Variants in PC observed in about 807,000 individuals in gnomAD.
The protein encoded by PC is pyruvate carboxylase.
PC carries 46 observed loss-of-function variants against 107.8 expected under a neutral mutation model. The observed-to-expected ratio is 0.43, with a 90% CI of 0.34 to 0.55. The LOEUF is 0.55. Among genes scored for constraint, PC ranks in the 20% least tolerant of loss-of-function variants. The pLI, the probability that PC is intolerant of heterozygous loss-of-function variation, is 0.04. For synonymous variants in PC, 662 were observed against 684.7 expected (o/e 0.97, Z 0.52); for missense variants, 1,241 against 1,643.1 (o/e 0.76, Z 4.23).
intron 3 of PC, among the ~76,000 whole-genome samples, chr11:66,942,802 CG>C (rs1949176124): frequency 6.6e-6 from 1 of 151,822 alleles, no homozygotes; most frequent in African/African-American, 2.4e-5. Context: ...CACCTGAAGT[CG>C]GGAGTTTGAG....
intron 12 of PC, 32 bp from the exon 13 acceptor site, chr11:66,853,415 C>G (rs1465303442): frequency 6.2e-7 from 1 of 1,612,698 alleles, no homozygotes; most frequent in Admixed American, 1.7e-5. Context: ...GAGGGGGTCA[C>G]CATGCAGCAC....
chr11:66,879,699 C>T (rs1204904981), intron 3 of PC, among the ~76,000 whole-genome samples: 1 of 152,166 alleles, frequency 6.6e-6, no homozygotes, highest in Non-Finnish European at 1.5e-5. Flanking sequence ...GGTTGGGTCA[C>T]GCAGAGAGTA....
At chr11:66,849,201 C>A (rs45441301) in intron 22 of PC, 29 bp downstream of exon 22, 7 of 1,613,730 alleles carry the variant, frequency 4.3e-6, no homozygotes, top group Non-Finnish European at 5.9e-6. Flanking sequence ...CAAGCCCCAC[C>A]GCCTGGCTGG....
At chr11:66,906,054 G>A (rs1948153401) in intron 3 of PC, among the ~76,000 whole-genome samples, 1 of 152,138 alleles carries the variant, frequency 6.6e-6, no homozygotes, top group South Asian at 2.1e-4. Context: ...GCAGAGGTGG[G>A]CGGGCGGGGA....
chr11:66,882,044 A>T (rs1947205455), intron 3 of PC, among the ~76,000 whole-genome samples: 1 of 152,124 alleles, frequency 6.6e-6, no homozygotes, highest in African/African-American at 2.4e-5. Context: ...GAGCTTCCCA[A>T]CGAGAGCTGA....
At chr11:66,929,675 A>AT (rs913973723) in intron 3 of PC, among the ~76,000 whole-genome samples, 1 of 151,462 alleles carries the variant, frequency 6.6e-6, no homozygotes, top group Non-Finnish European at 1.5e-5. Flanking sequence ...CCTTCTTTTT[A>AT]TTTTTTACAT....
chr11:66,863,019 G>C (rs570359130), intron 12 of PC, among the ~76,000 whole-genome samples: 2 of 152,300 alleles, frequency 1.3e-5, no homozygotes, highest in South Asian at 2.1e-4. Flanking sequence ...TGCCTGGTGG[G>C]GGGGGATCCA....
Position 66,874,036 on chromosome 11 carries a change from T to G in PC, c.1-1877A>C, listed in dbSNP as rs977265804. Among the ~76,000 whole-genome samples the G allele has an allele frequency of 2.0e-5, 3 of 152,056 alleles. No homozygotes were observed. The East Asian group carries it at 5.8e-4, about 29-fold the overall frequency. On this transcript the variant is annotated intron_variant, in intron 3 of 22. Transcript: ENST00000393960. The stretch of plus-strand genomic sequence containing the variant: ...GCGCAATGGTGCGATCTCGGCTCAC[T>G]GCAACCTCCGCCTCCTGGGTTCGAG...
At chr11:66,911,413 A>G (rs1948329865) in intron 3 of PC, among the ~76,000 whole-genome samples, 1 of 150,428 alleles carries the variant, frequency 6.6e-6, no homozygotes, top group Admixed American at 6.7e-5. Flanking sequence ...TTACAGGAGC[A>G]GCCTGGACAA....
chr11:66,953,758 T>C (rs1217516086), intron 2 of PC, among the ~76,000 whole-genome samples: 2 of 152,072 alleles, frequency 1.3e-5, no homozygotes, highest in African/African-American at 2.4e-5. Context: ...TAGGGGCTGG[T>C]TAAAAGAAGC....
At chr11:66,909,562 C>A (rs1948275381) in intron 3 of PC, among the ~76,000 whole-genome samples, 1 of 152,204 alleles carries the variant, frequency 6.6e-6, no homozygotes, top group Non-Finnish European at 1.5e-5. Flanking sequence ...ACCACGTGTC[C>A]TATTTGGTCC....
chr11:66,866,297 C>G lies in PC; in HGVS notation c.1075G>C (p.Asp359His), dbSNP rs780215837. The G allele has an allele frequency of 1.2e-6, 2 of 1,612,552 alleles. No individual in the cohort carries two copies. Among genetic ancestry groups the G allele is most frequent in the Non-Finnish European group, 8.5e-7 (1 of 1,179,816 alleles). ...ATGTTCTCCTGCCGCAGGCCCAGGT[C>G]GGGTAGGCTCCTGCCCTCAGCCACG... is the stretch of plus-strand genomic sequence containing the variant. ...IHVAEGRSLP[D>H]LGLRQENIRI... Residue 359 changes from aspartate to histidine, a missense_variant, in exon 11 of 23, where the codon GAC (aspartate) becomes CAC (histidine). Asp to His is a moderately conservative substitution (Grantham distance 81, BLOSUM62 -1). Transcript: ENST00000393960. This position sits in a 1 kb window ranked among gnomAD's most constrained non-coding sequence, Gnocchi z 5.4.
chr11:66,950,524 C>A (rs1183482610), intron 3 of PC, among the ~76,000 whole-genome samples: 3 of 152,274 alleles, frequency 2.0e-5, no homozygotes, highest in East Asian at 3.9e-4. Flanking sequence ...ATCCATGTCC[C>A]CCCAGGAGAA....
At chr11:66,938,147 T>C (rs996868377) in intron 3 of PC, among the ~76,000 whole-genome samples, 10 of 152,208 alleles carry the variant, frequency 6.6e-5, no homozygotes, top group Non-Finnish European at 1.3e-4. Flanking sequence ...TGGAAAAGAC[T>C]GTGTCTTTCC....
rs890380767 is a variant in PC at position 66,857,602 on chromosome 11, C to A, written c.1369-4219G>T. ...GGCCCCAACCTTCCCTCATCTCTGG[C>A]GGCCCTCTTGGGCCTCTGACCCAGC... On this transcript the variant is annotated intron_variant, in intron 12 of 22. Transcript: ENST00000393960. This position sits in a 1 kb window ranked among gnomAD's most constrained non-coding sequence, Gnocchi z 7.1. The A allele has an allele frequency of 3.5e-6, 3 of 853,450 alleles. No individual in the cohort carries two copies. The highest frequency in any genetic ancestry group is 5.3e-6 in the Non-Finnish European group (3 of 570,112). 52.9% of individuals were successfully genotyped at this position (853,450 alleles called of 1,614,324 possible).
rs557234418 is a variant in PC at position 66,914,383 on chromosome 11, G to C, written c.-1+38047C>G. On this transcript the variant is annotated intron_variant, in intron 3 of 22. Transcript: ENST00000393960. The stretch of plus-strand genomic sequence containing the variant: ...AAAAATTAGCTGGGCGTGGTGGCAG[G>C]CACCTGTAATGCCAGCTACTAGGGA... Among the ~76,000 whole-genome samples the C allele has an allele frequency of 5.9e-5, 9 of 152,116 alleles. No homozygotes were observed. In the South Asian group the frequency reaches 1.9e-3, roughly 32 times the overall value.
chr11:66,859,521 A>C, intron 12 of PC: 1 of 1,537,800 alleles, frequency 6.5e-7, no homozygotes, highest in Non-Finnish European at 8.7e-7. Flanking sequence ...GAGTGAACCC[A>C]AGAGCCCGAG....
intron 3 of PC, among the ~76,000 whole-genome samples, chr11:66,919,378 C>T (rs900732692): frequency 1.3e-5 from 2 of 152,136 alleles, no homozygotes; most frequent in Admixed American, 1.3e-4. Context: ...ATTGAGCCAC[C>T]GTACTCCAGC....
In PC at chr11:66,950,862, C is replaced by T. The variant is rs538011648; in HGVS notation, c.-1+1568G>A. On this transcript the variant is annotated intron_variant, in intron 3 of 22. Coordinates refer to ENST00000393960, the MANE Select transcript of PC (RefSeq NM_001040716.2). Reference sequence around the variant, plus strand: ...GGGGGAACCTTCCCCAACATGCCCACCTCTCATTGTAGGGATGCAAGTAAG... The same window carrying T: ...GGGGGAACCTTCCCCAACATGCCCATCTCTCATTGTAGGGATGCAAGTAAG... 7.8e-4 allele frequency among the ~76,000 whole-genome samples: 118 copies of T among 152,230 alleles called. 1 individual carries two copies. In the Middle Eastern group the frequency reaches 0.01, roughly 13 times the overall value.
Sources: allele counts gnomAD v4.1 joint callset (sites outside exome capture counted in the v4.1 genomes callset), GRCh38; gene constraint gnomAD v4.1.1; non-coding constraint Gnocchi (gnomAD v3.1); transcripts MANE v1.5; gene names NCBI Gene and HGNC (gene_info 2026-07-23, HGNC 2026-07-21).